Variants in FAM135B observed in about 807,000 individuals in gnomAD.
The protein encoded by FAM135B is protein FAM135B.
Under a neutral mutation model 127.7 loss-of-function variants are expected in FAM135B, and 43 were observed. That is an observed-to-expected ratio of 0.34 (90% CI 0.26 to 0.43). FAM135B has a LOEUF of 0.43. Ranked by LOEUF, FAM135B falls within the 20% of genes least tolerant of loss-of-function variation. The pLI is 1.00. For missense variants in FAM135B, 1,558 were observed against 1,725.6 expected, an observed-to-expected ratio of 0.90 and a Z score of 1.72; for synonymous variants, 670 against 665.1, an observed-to-expected ratio of 1.01 and a Z score of -0.11.
intron 1 of FAM135B, among the ~76,000 whole-genome samples, chr8:138,401,964 T>C (rs1833176647): frequency 6.6e-6 from 1 of 152,124 alleles, no homozygotes; most frequent in African/African-American, 2.4e-5. Flanking sequence ...CCAGTCCGCT[T>C]ACAAAGAGTT....
At chr8:138,428,612 T>A (rs772133189) in intron 1 of FAM135B, among the ~76,000 whole-genome samples, 5 of 152,146 alleles carry the variant, frequency 3.3e-5, no homozygotes, top group Non-Finnish European at 7.4e-5. Context: ...ACCCAGCTAA[T>A]GTTGGCAGGA....
chr8:138,270,521 C>T (rs781166708), intron 3 of FAM135B, among the ~76,000 whole-genome samples: 34 of 152,240 alleles, frequency 2.2e-4, no homozygotes, highest in Non-Finnish European at 3.2e-4. Context: ...TCTTGGTTCA[C>T]TGTGTGCTGC....
chr8:138,431,112 G>A (rs1835166657), intron 1 of FAM135B, among the ~76,000 whole-genome samples: 1 of 152,088 alleles, frequency 6.6e-6, no homozygotes, highest in African/African-American at 2.4e-5. Context: ...TTCACCTCCA[G>A]CTAACATTAT....
chr8:138,303,629 T>G (rs1826040059), intron 3 of FAM135B, among the ~76,000 whole-genome samples: 1 of 152,180 alleles, frequency 6.6e-6, no homozygotes, highest in South Asian at 2.1e-4. Context: ...GCCACTATGC[T>G]AATCCCAATT....
At chr8:138,487,700 A>G (rs1320620731) in intron 1 of FAM135B, among the ~76,000 whole-genome samples, 4 of 152,100 alleles carry the variant, frequency 2.6e-5, no homozygotes, top group Non-Finnish European at 4.4e-5. Context: ...CTGAAGTTTA[A>G]AACACACTTG....
At chr8:138,400,914 CTT>C (rs1833122841) in intron 1 of FAM135B, among the ~76,000 whole-genome samples, 1 of 152,192 alleles carries the variant, frequency 6.6e-6, no homozygotes, top group Non-Finnish European at 1.5e-5. Context: ...AGTTTGATGA[CTT>C]TGCTGAAACT....
At chr8:138,409,862 A>AACCTCCTCTCCCTTCCCTTG in intron 1 of FAM135B, among the ~76,000 whole-genome samples, 1 of 140,480 alleles carries the variant, frequency 7.1e-6, no homozygotes, top group African/African-American at 2.7e-5. Context: ...CCTGGGCGAC[A>AACCTCCTCTCCCTTCCCTTG]GAGTAAGACT....
chr8:138,426,098 TTATA>T (rs1320446938), intron 1 of FAM135B, among the ~76,000 whole-genome samples: 1 of 128,686 alleles, frequency 7.8e-6, no homozygotes, highest in Non-Finnish European at 1.6e-5. Flanking sequence ...TATGTATGTT[TTATA>T]TATATATATA....
intron 1 of FAM135B, among the ~76,000 whole-genome samples, chr8:138,389,564 C>T (rs970078977): frequency 6.6e-6 from 1 of 152,140 alleles, no homozygotes; most frequent in African/African-American, 2.4e-5. Context: ...AGAAGCCAAA[C>T]ACAAAAGGAC....
At chr8:138,204,965 T>C (rs1235849918) in intron 7 of FAM135B, among the ~76,000 whole-genome samples, 1 of 152,230 alleles carries the variant, frequency 6.6e-6, no homozygotes, top group Non-Finnish European at 1.5e-5. Flanking sequence ...CTTCAAAATC[T>C]ATAATGCTAC....
At chr8:138,359,779 G>T (rs1460607808) in intron 2 of FAM135B, among the ~76,000 whole-genome samples, 2 of 152,190 alleles carry the variant, frequency 1.3e-5, no homozygotes, top group South Asian at 2.1e-4. Flanking sequence ...TCACAGGGGA[G>T]CTGGATGTCG....
intron 1 of FAM135B, among the ~76,000 whole-genome samples, chr8:138,477,112 T>C (rs1242543227): frequency 1.3e-5 from 2 of 152,216 alleles, no homozygotes; most frequent in African/African-American, 4.8e-5. Context: ...GCCATGTAGC[T>C]GCTGCAAAGG....
At chr8:138,489,197 G>A (rs895265224) in intron 1 of FAM135B, among the ~76,000 whole-genome samples, 12 of 152,112 alleles carry the variant, frequency 7.9e-5, no homozygotes, top group African/African-American at 1.9e-4. Flanking sequence ...GAAACTCCAC[G>A]CATTCAAAAC....
intron 3 of FAM135B, among the ~76,000 whole-genome samples, chr8:138,309,934 A>G (rs1826550971): frequency 7.0e-6 from 1 of 142,924 alleles, no homozygotes; most frequent in Non-Finnish European, 1.5e-5. Flanking sequence ...CAGTGGCACA[A>G]TCTTGGCTCA....
chr8:138,332,261 A>G (rs757010830), intron 2 of FAM135B, among the ~76,000 whole-genome samples: 1 of 152,122 alleles, frequency 6.6e-6, no homozygotes, highest in Non-Finnish European at 1.5e-5. Context: ...TCATGAGCCA[A>G]TTTCCATGGC....
At chr8:138,166,637 C>G (rs1819952350) in intron 12 of FAM135B, among the ~76,000 whole-genome samples, 2 of 152,140 alleles carry the variant, frequency 1.3e-5, no homozygotes, top group Admixed American at 1.3e-4. Flanking sequence ...TTCTGATCCC[C>G]AAAACATCAT....
At chr8:138,392,453 G>A (rs1000375732) in intron 1 of FAM135B, among the ~76,000 whole-genome samples, 13 of 152,172 alleles carry the variant, frequency 8.5e-5, no homozygotes, top group African/African-American at 3.1e-4. Flanking sequence ...ATTTGTTGCA[G>A]GTCCCCAAGA....
intron 12 of FAM135B, among the ~76,000 whole-genome samples, chr8:138,158,507 C>G (rs926510453): frequency 6.6e-6 from 1 of 152,086 alleles, no homozygotes; most frequent in East Asian, 1.9e-4. Context: ...AACAGGCAAC[C>G]TACAGAATGG....
At chr8:138,436,624 T>C (rs1393183096) in intron 1 of FAM135B, among the ~76,000 whole-genome samples, 2 of 152,106 alleles carry the variant, frequency 1.3e-5, no homozygotes, top group African/African-American at 4.8e-5. Context: ...GAACAGAAAA[T>C]CTTTACACAG....
Sources: gnomAD v4.1 joint callset for allele counts (sites outside exome capture counted in the v4.1 genomes callset) on GRCh38, gnomAD v4.1.1 for gene constraint, MANE v1.5 for transcripts, NCBI Gene and HGNC (gene_info 2026-07-23, HGNC 2026-07-21) for gene names.